The following HTR1F variants were observed in gnomAD, a reference collection of about 807,000 sequenced individuals.
HTR1F encodes 5-hydroxytryptamine (serotonin) receptor 1F, G protein-coupled.
In HTR1F, 17 loss-of-function variants were observed where a neutral mutation model predicts 24.0. The ratio of observed to expected loss-of-function variants is 0.71; its 90% CI spans 0.48 to 1.06. HTR1F has a LOEUF of 1.06. Among genes scored for constraint, HTR1F ranks in the 50% least tolerant of loss-of-function variants. The pLI, the probability that HTR1F is intolerant of heterozygous loss-of-function variation, is 0.00. For missense variants in HTR1F, 391 were observed against 427.8 expected (o/e 0.91, Z 0.76); for synonymous variants, 186 against 156.8 (o/e 1.19, Z -1.39).
At chr3:87,922,427 T>C (rs1390500451) in intron 2 of HTR1F, among the ~76,000 whole-genome samples, 14 of 152,010 alleles carry the variant, frequency 9.2e-5, no homozygotes, top group Admixed American at 5.3e-4. Context: ...CCCTGTCAGA[T>C]GAATTGTCTG....
intron 2 of HTR1F, among the ~76,000 whole-genome samples, chr3:87,856,281 C>T: frequency 6.6e-6 from 1 of 151,900 alleles, no homozygotes; most frequent in Non-Finnish European, 1.5e-5. Context: ...ACTGGGAGTA[C>T]TGAAATGTAT....
intron 2 of HTR1F, among the ~76,000 whole-genome samples, chr3:87,911,061 G>T (rs1174147936): frequency 6.6e-6 from 1 of 151,862 alleles, no homozygotes; most frequent in South Asian, 2.1e-4. Context: ...ACGACTAAAA[G>T]AACTAGAGAA....
intron 2 of HTR1F, among the ~76,000 whole-genome samples, chr3:87,886,431 A>G (rs1045992777): frequency 3.9e-5 from 6 of 152,224 alleles, no homozygotes; most frequent in African/African-American, 1.4e-4. Context: ...AAACTGGCAC[A>G]AGACAGAGAT....
At chr3:87,879,016 G>C (rs1366336610) in intron 2 of HTR1F, among the ~76,000 whole-genome samples, 2 of 152,120 alleles carry the variant, frequency 1.3e-5, no homozygotes, top group Admixed American at 1.3e-4. Context: ...AGTAGAAAAT[G>C]AATTTTGATT....
At chr3:87,819,875 T>G (rs1704321614) in intron 1 of HTR1F, among the ~76,000 whole-genome samples, 1 of 151,676 alleles carries the variant, frequency 6.6e-6, no homozygotes. Flanking sequence ...CTACAAACTA[T>G]TTAAGTACAA....
chr3:87,857,633 TAC>T, intron 2 of HTR1F, among the ~76,000 whole-genome samples: 1 of 152,186 alleles, frequency 6.6e-6, no homozygotes, highest in African/African-American at 2.4e-5. Context: ...AAAAGGAAGG[TAC>T]AGAGATTTCA....
intron 2 of HTR1F, among the ~76,000 whole-genome samples, chr3:87,969,878 A>G (rs932357683): frequency 1.6e-4 from 24 of 152,184 alleles, no homozygotes; most frequent in African/African-American, 5.3e-4. Flanking sequence ...ATGGGGGCAC[A>G]TCTTTCTCAT....
At chr3:87,962,279 T>A (rs1325433253) in intron 2 of HTR1F, among the ~76,000 whole-genome samples, 1 of 152,078 alleles carries the variant, frequency 6.6e-6, no homozygotes, top group Non-Finnish European at 1.5e-5. Context: ...AAAGCAAATC[T>A]TAATTAAATT....
intron 2 of HTR1F, among the ~76,000 whole-genome samples, chr3:87,877,681 G>C (rs1705700943): frequency 1.3e-5 from 2 of 152,156 alleles, no homozygotes; most frequent in South Asian, 4.1e-4. Flanking sequence ...AATAGTAAGA[G>C]CAGAGCTTCA....
chr3:87,948,488 C>CT (rs397968379), intron 2 of HTR1F, among the ~76,000 whole-genome samples: 285 of 147,060 alleles, frequency 1.9e-3, no homozygotes, highest in African/African-American at 3.7e-3. Context: ...TTTTTATATG[C>CT]TTTTTTTTTT....
intron 2 of HTR1F, among the ~76,000 whole-genome samples, chr3:87,835,333 G>T (rs1293620388): frequency 1.3e-5 from 2 of 151,820 alleles, no homozygotes; most frequent in South Asian, 4.2e-4. Flanking sequence ...TATGGAGATG[G>T]CATATAAATA....
In HTR1F at chr3:87,849,012, C is replaced by T. The variant is rs866472465; in HGVS notation, c.-43+26888C>T. 1.1e-4 allele frequency among the ~76,000 whole-genome samples: 17 copies of T among 151,590 alleles called. No individual in the cohort carries two copies. The South Asian group carries it at 2.7e-3, about 24-fold the overall frequency. On this transcript the variant is annotated intron_variant, in intron 2 of 2. Transcript: ENST00000319595. ...GCTCATGGGTAGGAAGAATCAATACCGTGAAAATGGCCATACTGCCCAAGG... is the reference window on the plus strand; with the variant it reads ...GCTCATGGGTAGGAAGAATCAATACTGTGAAAATGGCCATACTGCCCAAGG...
chr3:87,895,610 A>C (rs1293403585), intron 2 of HTR1F, among the ~76,000 whole-genome samples: 1 of 152,178 alleles, frequency 6.6e-6, no homozygotes, highest in East Asian at 1.9e-4. Context: ...GATTAATAGC[A>C]AGTTCAAGTT....
chr3:87,934,278 C>T (rs1201894014), intron 2 of HTR1F, among the ~76,000 whole-genome samples: 1 of 152,144 alleles, frequency 6.6e-6, no homozygotes, highest in Non-Finnish European at 1.5e-5. Flanking sequence ...TTTAACATTG[C>T]CAAGCACTGT....
At chr3:87,972,778 T>C (rs1405671020) in intron 2 of HTR1F, among the ~76,000 whole-genome samples, 1 of 152,182 alleles carries the variant, frequency 6.6e-6, no homozygotes, top group African/African-American at 2.4e-5. Flanking sequence ...TATAGAATCA[T>C]GTCATACGCT....
chr3:87,919,851 A>G (rs1370942503), intron 2 of HTR1F, among the ~76,000 whole-genome samples: 1 of 151,988 alleles, frequency 6.6e-6, no homozygotes, highest in African/African-American at 2.4e-5. Flanking sequence ...CATTTGATCC[A>G]GCAATCCCAC....
chr3:87,884,401 A>T (rs545348239), intron 2 of HTR1F, among the ~76,000 whole-genome samples: 2 of 152,328 alleles, frequency 1.3e-5, no homozygotes, highest in East Asian at 3.9e-4. Context: ...AAACATGCCA[A>T]ATTGTAAAGA....
In HTR1F at chr3:87,991,479, T is replaced by A. The variant is rs751914938; in HGVS notation, c.730T>A (p.Ser244Thr). The part of the protein sequence containing the change: ...GEKSTKSVST[S>T]YVLEKSLSDP... ...GAAAAGCACTAAATCAGTTTCCACA[T>A]CCTATGTACTAGAAAAGTCTTTATC... The change falls in exon 3 of 3, where the codon TCC becomes ACC. Residue 244 changes from serine to threonine, a missense_variant. Transcript: ENST00000319595. 2 of 1,614,114 alleles carry A rather than the reference T, an allele frequency of 1.2e-6. No homozygotes were observed. Among genetic ancestry groups the A allele is most frequent in the Non-Finnish European group, 1.7e-6 (2 of 1,179,992 alleles).
At chr3:87,959,393 A>C (rs1253212184) in intron 2 of HTR1F, among the ~76,000 whole-genome samples, 1 of 151,870 alleles carries the variant, frequency 6.6e-6, no homozygotes, top group East Asian at 1.9e-4. Flanking sequence ...AAAGTCTGGC[A>C]ATTGAGAGCG....
Sources: gnomAD v4.1 joint callset for allele counts (sites outside exome capture counted in the v4.1 genomes callset) on GRCh38, gnomAD v4.1.1 for gene constraint, MANE v1.5 for transcripts, NCBI Gene and HGNC (gene_info 2026-07-23, HGNC 2026-07-21) for gene names.